SLC19A2: variants seen among roughly 807,000 people sequenced by gnomAD.
SLC19A2 encodes thiamine transporter 1.
In SLC19A2, 27 loss-of-function variants were observed where a neutral mutation model predicts 44.7. The ratio of observed to expected loss-of-function variants is 0.60; its 90% CI spans 0.45 to 0.83. The LOEUF is 0.83. SLC19A2 is among the 40% of genes least tolerant of loss of function. SLC19A2 has a pLI of 0.00. For synonymous variants in SLC19A2, 239 were observed against 243.6 expected (o/e 0.98, Z 0.18); for missense variants, 566 against 613.7 (o/e 0.92, Z 0.82).
At chr1:169,481,964 C>T (rs534520788) in intron 1 of SLC19A2, among the ~76,000 whole-genome samples, 149 of 152,198 alleles carry the variant, frequency 9.8e-4, no homozygotes, top group African/African-American at 3.5e-3. Context: ...TTTGGGAAGC[C>T]GAGGTGGGTA....
At chr1:169,471,682 G>GTGTGTGTGTA (rs1658185132) in intron 2 of SLC19A2, among the ~76,000 whole-genome samples, 1 of 144,460 alleles carries the variant, frequency 6.9e-6, no homozygotes, top group Admixed American at 7.0e-5. Context: ...AAACGTGTGT[G>GTGTGTGTGTA]TGTGTGTGTG....
intron 2 of SLC19A2, among the ~76,000 whole-genome samples, chr1:169,474,530 TAG>T (rs1658266287): frequency 1.3e-5 from 2 of 152,140 alleles, no homozygotes; most frequent in African/African-American, 4.8e-5. Flanking sequence ...CCCAATGCAA[TAG>T]ACTCTCTTTA....
At chr1:169,482,707 A>G (rs1658468327) in intron 1 of SLC19A2, among the ~76,000 whole-genome samples, 3 of 152,246 alleles carry the variant, frequency 2.0e-5, no homozygotes, top group Admixed American at 2.0e-4. Flanking sequence ...ACAGATATAT[A>G]TGGGAAGATT....
At chr1:169,477,125 C>A (rs1265770625) in intron 2 of SLC19A2, 30 bp downstream of exon 2, 2 of 1,612,408 alleles carry the variant, frequency 1.2e-6, no homozygotes, top group African/African-American at 2.7e-5. Flanking sequence ...CCCATAGTAG[C>A]AATTACAAGA....
chr1:169,471,541 T>C (rs1269843135), intron 2 of SLC19A2, among the ~76,000 whole-genome samples: 2 of 142,268 alleles, frequency 1.4e-5, no homozygotes, highest in African/African-American at 5.2e-5. Context: ...GGTGTACACA[T>C]GTAGTCCCTG....
rs1658076024 is a variant in SLC19A2, at chr1:169,468,105, T to A, written c.1365+6A>T. 6.2e-7 allele frequency: 1 copy of A among 1,613,924 alleles called. No homozygotes were observed. Among genetic ancestry groups the A allele is most frequent in the East Asian group, 2.2e-5 (1 of 44,890 alleles). On this transcript the variant is annotated splice_donor_region_variant and intron_variant, in intron 5 of 5. Transcript: ENST00000236137. ...ACTACCTTCGATGCCAAAGGAGAGA[T>A]CTTACCTGAGTGGTAATTTCTAATC...
intron 3 of SLC19A2, among the ~76,000 whole-genome samples, chr1:169,469,760 A>C (rs2101774531): frequency 6.6e-6 from 1 of 152,314 alleles, no homozygotes; most frequent in South Asian, 2.1e-4. Flanking sequence ...AAAGCTTATA[A>C]AAAAATTCCA....
rs202069963 is a variant in SLC19A2, at chr1:169,481,197, CTATT to C, written c.205-3444_205-3441del. 3.5e-3 allele frequency among the ~76,000 whole-genome samples: 526 copies of C among 152,296 alleles called. 5 individuals carry two copies. The highest frequency in any genetic ancestry group is 0.012 in the African/African-American group (498 of 41,540). ...GCTAAGCACTTTCTCTAAATTCTCT[CTATT>C]TAATCCAAACCACAAACCTAAGGTA... On this transcript the variant is annotated intron_variant, in intron 1 of 5. Transcript: ENST00000236137.
rs147884156 is a variant in SLC19A2 at position 169,465,944 on chromosome 1, C to T, written c.1399G>A (p.Ala467Thr). ...LIYASYFALI[A>T]VVFLASGAVS... ...GCACCACTGGCCAGGAAAACCACAG[C>T]GATGAGTGCAAAATAACTGGCATAG... The change falls in exon 6 of 6, where the codon GCT becomes ACT. Residue 467 changes from alanine to threonine, a missense_variant. Coordinates refer to ENST00000236137, the MANE Select transcript of SLC19A2 (RefSeq NM_006996.3). The T allele has an allele frequency of 1.5e-4, 240 of 1,613,804 alleles. No homozygotes were observed. The highest frequency in any genetic ancestry group is 4.9e-4 in the Middle Eastern group (3 of 6,084).
chr1:169,484,106 A>C (rs1435413600), intron 1 of SLC19A2, among the ~76,000 whole-genome samples: 1 of 152,228 alleles, frequency 6.6e-6, no homozygotes, highest in African/African-American at 2.4e-5. Context: ...GCAGGTCAAT[A>C]GGGTAATTTA....
At chr1:169,467,180 A>G (rs921454839) in intron 5 of SLC19A2, among the ~76,000 whole-genome samples, 2 of 152,154 alleles carry the variant, frequency 1.3e-5, no homozygotes, top group Non-Finnish European at 2.9e-5. Context: ...CAAGCACTTA[A>G]GTTTCTCTCC....
chr1:169,468,273 T>C, intron 4 of SLC19A2, 21 bp from the exon 5 acceptor site: 7 of 1,597,496 alleles, frequency 4.4e-6, no homozygotes, highest in African/African-American at 1.3e-5. Context: ...AATAAAAGAG[T>C]GAATAAATAA....
Position 169,477,698 on chromosome 1 carries a change from C to T in SLC19A2, c.264G>A (p.Val88=), listed in dbSNP as rs139451748. The T allele has an allele frequency of 1.9e-6, 3 of 1,612,512 alleles. No homozygotes were observed. Among genetic ancestry groups the T allele is most frequent in the African/African-American group, 2.7e-5 (2 of 74,418 alleles). ...AACGGAGGTAGTCTGTGGCAAGGAACACAGGAAACAGTAGCACCAGGTAAG... is the reference window on the plus strand; with the variant it reads ...AACGGAGGTAGTCTGTGGCAAGGAATACAGGAAACAGTAGCACCAGGTAAG... ...TYSYLVLLFP[V]FLATDYLRYK... Residue 88 remains valine (V), a synonymous_variant, in exon 2 of 6, where the codon GTG becomes GTA. Transcript: ENST00000236137.
chr1:169,482,592 A>C (rs1029114265), intron 1 of SLC19A2, among the ~76,000 whole-genome samples: 5 of 152,226 alleles, frequency 3.3e-5, no homozygotes, highest in Admixed American at 6.5e-5. Flanking sequence ...CCTAGTGAGG[A>C]ATATATAATA....
At position 169,485,852 on chromosome 1, in the gene SLC19A2, C is replaced by A; in HGVS notation, c.-86G>T. On this transcript the variant is annotated 5_prime_UTR_variant, in exon 1 of 6. Coordinates refer to ENST00000236137, the MANE Select transcript of SLC19A2 (RefSeq NM_006996.3). ...AGTGAGGGTCAGGCACTTGTAACCG[C>A]GAGTGACGCCTTCTCCCTGTAAGGC... is the stretch of plus-strand genomic sequence containing the variant. 3.6e-6 allele frequency: 5 copies of A among 1,385,534 alleles called. No individual in the cohort carries two copies. The highest frequency in any genetic ancestry group is 1.4e-5 in the South Asian group (1 of 71,486). The allele number at this position is 1,385,534 out of a possible 1,614,324, so 85.8% of individuals were successfully genotyped here. A position where few individuals can be genotyped will look rare whatever the true frequency, so the allele number is the denominator to read the frequency against.
intron 2 of SLC19A2, 33 bp from the exon 3 acceptor site, chr1:169,470,219 T>C (rs1557889374): frequency 6.3e-7 from 1 of 1,582,336 alleles, no homozygotes; most frequent in African/African-American, 1.3e-5. Context: ...GCTCAAACTC[T>C]GATGAAGGCA....
At chr1:169,466,879 A>T (rs780312034) in intron 5 of SLC19A2, among the ~76,000 whole-genome samples, 7 of 152,164 alleles carry the variant, frequency 4.6e-5, no homozygotes, top group East Asian at 1.9e-4. Context: ...CATCATCATC[A>T]TCTTCTTAAA....
chr1:169,478,815 T>G (rs1268875613), intron 1 of SLC19A2, among the ~76,000 whole-genome samples: 1 of 152,060 alleles, frequency 6.6e-6, no homozygotes, highest in Non-Finnish European at 1.5e-5. Flanking sequence ...CTATGGCTGC[T>G]ACTCAGGAGG....
At chr1:169,476,441 G>T (rs1169180435) in intron 2 of SLC19A2, among the ~76,000 whole-genome samples, 1 of 152,184 alleles carries the variant, frequency 6.6e-6, no homozygotes, top group East Asian at 1.9e-4. Context: ...CTTCATGACT[G>T]GGTGCGGTGG....
Sources: gnomAD v4.1 joint callset for allele counts (sites outside exome capture counted in the v4.1 genomes callset) on GRCh38, gnomAD v4.1.1 for gene constraint, MANE v1.5 for transcripts, NCBI Gene and HGNC (gene_info 2026-07-23, HGNC 2026-07-21) for gene names.